The following DSCAML1 variants were observed in gnomAD, a reference collection of about 807,000 sequenced individuals.
DSCAML1 encodes the protein DS cell adhesion molecule like 1, also known as cell adhesion molecule DSCAML1.
A neutral mutation model predicts 200.5 loss-of-function variants in DSCAML1; 38 were observed. That is an observed-to-expected ratio of 0.19 (90% CI 0.15 to 0.25). The LOEUF is 0.25. Ranked by LOEUF, DSCAML1 falls within the 10% of genes least tolerant of loss-of-function variation. The pLI, the probability that DSCAML1 is intolerant of heterozygous loss-of-function variation, is 1.00. For missense variants in DSCAML1, 2,223 were observed against 2,858.8 expected (o/e 0.78, Z 5.07); for synonymous variants, 1,215 against 1,165.0 (o/e 1.04, Z -0.87).
Position 117,767,653 on chromosome 11 carries a change from T to A in DSCAML1, c.511+9138A>T, listed in dbSNP as rs569484382. ...CCAGCTGCCTTTTCCACTCTCTGAC[T>A]GCCTTGATGAGGGAAACAGTAATTG... On this transcript the variant is annotated intron_variant, in intron 3 of 32. Coordinates refer to ENST00000651296, the MANE Select transcript of DSCAML1 (RefSeq NM_020693.4). Among the ~76,000 whole-genome samples, 3 of 152,330 alleles carry A rather than the reference T, an allele frequency of 2.0e-5. No individual in the cohort carries two copies. The South Asian group carries it at 6.2e-4, about 32-fold the overall frequency.
intron 3 of DSCAML1, among the ~76,000 whole-genome samples, chr11:117,577,501 CCTTCCCTCCT>C (rs1565801787): frequency 9.5e-3 from 277 of 29,276 alleles, no homozygotes; most frequent in Middle Eastern, 0.037. Flanking sequence ...TTCCTTCCTT[CCTTCCCTCCT>C]TCCTTCCTTC....
chr11:117,520,752 G>C (rs1484632092), intron 6 of DSCAML1, among the ~76,000 whole-genome samples: 1 of 151,868 alleles, frequency 6.6e-6, no homozygotes, highest in Non-Finnish European at 1.5e-5. Context: ...TAAAAAATTA[G>C]CCAGGTGAAC....
chr11:117,456,671 CTTTTTTTT>C (rs10661996), intron 19 of DSCAML1, among the ~76,000 whole-genome samples: 1 of 142,152 alleles, frequency 7.0e-6, no homozygotes, highest in East Asian at 2.1e-4. Context: ...GCAGTCATTT[CTTTTTTTT>C]TTTTTTTCTT....
intron 3 of DSCAML1, among the ~76,000 whole-genome samples, chr11:117,759,506 G>A (rs918425514): frequency 1.3e-5 from 2 of 152,098 alleles, no homozygotes; most frequent in Non-Finnish European, 2.9e-5. Context: ...TCTCTCTCAA[G>A]TTTCCCTATT....
rs189610500 is a variant in DSCAML1, at chr11:117,450,655, G to A, written c.3602C>T (p.Pro1201Leu). 2 of 1,614,184 alleles carry A rather than the reference G, an allele frequency of 1.2e-6. No homozygotes were observed. The highest frequency in any genetic ancestry group is 2.7e-5 in the African/African-American group (2 of 75,056). ...PGPPAGIKAV[P>L]SSASSVVVSW... ...CACAACCACACTGCTAGCTGATGAA[G>A]GGACAGCTTTGATGCCAGCAGGGGG... The change falls in exon 20 of 33, where the codon CCT (proline) becomes CTT (leucine). Residue 1201 changes from proline to leucine, a missense_variant. Pro to Leu is a moderately conservative substitution (Grantham distance 98). This residue lies in a region of DSCAML1 where 438 missense variants were observed against 629.7 expected (regional missense o/e 0.70). Coordinates refer to ENST00000651296, the MANE Select transcript of DSCAML1 (RefSeq NM_020693.4).
At chr11:117,555,948 G>A (rs532207642) in intron 3 of DSCAML1, among the ~76,000 whole-genome samples, 77 of 151,974 alleles carry the variant, frequency 5.1e-4, no homozygotes, top group African/African-American at 1.8e-3. Flanking sequence ...CCTTGAGGAG[G>A]GGCGGGGGAG....
chr11:117,685,837 G>A (rs533759700), intron 3 of DSCAML1, among the ~76,000 whole-genome samples: 1 of 152,312 alleles, frequency 6.6e-6, no homozygotes, highest in East Asian at 1.9e-4. Flanking sequence ...GGGAGAGGAT[G>A]ACTGCTAGCA....
chr11:117,801,559 C>G (rs146891220), upstream of DSCAML1: 1 of 152,188 alleles, frequency 6.6e-6, no homozygotes, highest in African/African-American at 2.4e-5. Context: ...TGAATCAGTA[C>G]AATTCATAGA....
intron 1 of DSCAML1, among the ~76,000 whole-genome samples, chr11:117,805,603 G>A (rs750825119): frequency 4.6e-5 from 7 of 152,114 alleles, no homozygotes; most frequent in Admixed American, 1.3e-4. Context: ...ATCTCCAAGT[G>A]CTACAGTATG....
At chr11:117,610,501 C>T (rs562541215) in intron 3 of DSCAML1, among the ~76,000 whole-genome samples, 169 of 152,094 alleles carry the variant, frequency 1.1e-3, no homozygotes, top group South Asian at 1.9e-3. Context: ...GAGCAACCTC[C>T]CCTTGCCCCC....
rs370044783 is a variant in DSCAML1, at chr11:117,482,084, C to T, written c.2438G>A (p.Arg813Gln). The T allele has an allele frequency of 1.4e-5, 23 of 1,614,058 alleles. No homozygotes were observed. The highest frequency in any genetic ancestry group is 3.3e-4 in the Middle Eastern group (2 of 6,084). Residue 813 changes from arginine (R) to glutamine (Q), a missense_variant, in exon 12 of 33, where the codon CGG (arginine) becomes CAG (glutamine). Coordinates refer to ENST00000651296, the MANE Select transcript of DSCAML1 (RefSeq NM_020693.4). ...GCGGATGATGATGGGCCGCTCACCC[C>T]GTGCCGTGCAGTTTAGCTCCTTCGC... ...GHAKELNCTA[R>Q]GERPIIIRWE...
intron 3 of DSCAML1, among the ~76,000 whole-genome samples, chr11:117,576,492 T>C (rs1233198152): frequency 2.0e-5 from 3 of 152,208 alleles, no homozygotes; most frequent in Admixed American, 6.5e-5. Flanking sequence ...TTTACCAACA[T>C]CTTCATTGCC....
At chr11:117,760,831 G>A (rs1403934734) in intron 3 of DSCAML1, among the ~76,000 whole-genome samples, 1 of 152,156 alleles carries the variant, frequency 6.6e-6, no homozygotes, top group Non-Finnish European at 1.5e-5. Flanking sequence ...AATCTGGAAG[G>A]GACCTAAGGG....
intron 3 of DSCAML1, among the ~76,000 whole-genome samples, chr11:117,738,605 C>T (rs562265268): frequency 6.6e-6 from 1 of 152,286 alleles, no homozygotes; most frequent in East Asian, 1.9e-4. Flanking sequence ...GACTCATGCC[C>T]ATTCCACTGG....
At chr11:117,789,805 T>A (rs1205485251) in intron 1 of DSCAML1, among the ~76,000 whole-genome samples, 3 of 152,208 alleles carry the variant, frequency 2.0e-5, no homozygotes, top group South Asian at 2.1e-4. Flanking sequence ...CACAACAGGG[T>A]TTGACTCATT....
At chr11:117,690,405 C>T (rs116826594) in intron 3 of DSCAML1, among the ~76,000 whole-genome samples, 3,806 of 152,334 alleles carry the variant, frequency 0.025, 155 homozygotes, top group African/African-American at 0.087. Context: ...ACAGACCTCC[C>T]AAGGGATGGA....
At chr11:117,633,035 T>C (rs1231751619) in intron 3 of DSCAML1, among the ~76,000 whole-genome samples, 1 of 152,198 alleles carries the variant, frequency 6.6e-6, no homozygotes, top group Non-Finnish European at 1.5e-5. Flanking sequence ...GTAAGTATCC[T>C]TTCAACCCTG....
intron 8 of DSCAML1, among the ~76,000 whole-genome samples, chr11:117,507,501 TGGG>T (rs1407094597): frequency 2.6e-5 from 4 of 152,208 alleles, no homozygotes; most frequent in African/African-American, 9.6e-5. Context: ...CTTTGGATCC[TGGG>T]AGAGTTCTTG....
chr11:117,778,426 T>G (rs1252704873), intron 2 of DSCAML1, among the ~76,000 whole-genome samples: 1 of 152,168 alleles, frequency 6.6e-6, no homozygotes, highest in East Asian at 1.9e-4. Flanking sequence ...GCTAACGGCA[T>G]CTAACAAGCG....
Sources: allele counts gnomAD v4.1 joint callset (sites outside exome capture counted in the v4.1 genomes callset), GRCh38; gene constraint gnomAD v4.1.1; regional missense constraint gnomAD v4.1.1; transcripts MANE v1.5; gene names NCBI Gene and HGNC (gene_info 2026-07-23, HGNC 2026-07-21).